ZNF737: variants seen among roughly 807,000 people sequenced by gnomAD.
The protein encoded by ZNF737 is zinc finger protein 102 (Y3).
Under a neutral mutation model 11.7 loss-of-function variants are expected in ZNF737, and 13 were observed. The ratio of observed to expected loss-of-function variants is 1.11; its 90% CI spans 0.73 to 1.77. ZNF737 has a LOEUF of 1.77. ZNF737 is among the 40% of genes most tolerant of loss of function. ZNF737 has a pLI of 0.00. For missense variants in ZNF737, 636 were observed against 638.0 expected, an observed-to-expected ratio of 1.00 and a Z score of 0.03; for synonymous variants, 217 against 216.2, an observed-to-expected ratio of 1.00 and a Z score of -0.03.
At chr19:20,535,407 C>A (rs114551016), downstream of ZNF737, among the ~76,000 whole-genome samples, 895 of 151,864 alleles carry the variant, frequency 5.9e-3, 8 homozygotes, top group African/African-American at 0.02. Context: ...TATATATACA[C>A]AATGAAATGC....
rs113918610 is a variant in ZNF737 at position 20,539,309 on chromosome 19, C to A, written c.*5283G>T. ...CTTCTAAAAAAAAAAAAAAGAAATT[C>A]TTTCTTCAATTACTTGGAAACCCTG... On this transcript the variant is annotated 3_prime_UTR_variant, in exon 4 of 4. Coordinates refer to ENST00000427401, the MANE Select transcript of ZNF737 (RefSeq NM_001159293.2). 0.055 allele frequency: 52,962 copies of A among 970,854 alleles called. 1,633 individuals carry two copies. Among genetic ancestry groups the A allele is most frequent in the African/African-American group, 0.11 (6,318 of 56,866 alleles). The allele number at this position is 970,854 out of a possible 1,614,324, so 60.1% of individuals were successfully genotyped here.
At chr19:20,565,278 G>A (rs1555763513) in intron 1 of ZNF737, among the ~76,000 whole-genome samples, 1 of 152,094 alleles carries the variant, frequency 6.6e-6, no homozygotes, top group African/African-American at 2.4e-5. Context: ...TGAACTCCAC[G>A]GACCAAAGCT....
At chr19:20,546,051 T>C in intron 3 of ZNF737, 75 bp from the exon 4 acceptor site, 3 of 1,454,432 alleles carry the variant, frequency 2.1e-6, no homozygotes, top group Non-Finnish European at 2.7e-6. Flanking sequence ...CTAACCTATA[T>C]AATTATACAA....
chr19:20,551,964 G>A (rs1259313330), intron 3 of ZNF737, among the ~76,000 whole-genome samples: 1 of 140,342 alleles, frequency 7.1e-6, no homozygotes. Flanking sequence ...AAGCAATCTT[G>A]AAAAAAAAAA....
rs142458524 is a variant in ZNF737 at position 20,543,175 on chromosome 19, TC to T, written c.*1416del. The stretch of plus-strand genomic sequence containing the variant: ...CAAAATTATATTTTAGCATAAACTC[TC>T]TGTTGTTTTCTAAGCTGTAGTTTCT... On this transcript the variant is annotated 3_prime_UTR_variant, in exon 4 of 4. Transcript: ENST00000427401. 0.13 allele frequency: 124,457 copies of T among 976,082 alleles called. 8,243 individuals carry two copies. Among genetic ancestry groups the T allele is most frequent in the Non-Finnish European group, 0.13 (109,632 of 821,780 alleles). The allele number at this position is 976,082 out of a possible 1,614,324, so 60.5% of individuals were successfully genotyped here.
chr19:20,544,054 G>A lies in ZNF737; in HGVS notation c.*538C>T. 1 of 819,126 alleles carries A rather than the reference G, an allele frequency of 1.2e-6. No homozygotes were observed. Among genetic ancestry groups the A allele is most frequent in the Non-Finnish European group, 1.5e-6 (1 of 677,798 alleles). The allele number at this position is 819,126 out of a possible 1,614,324, so 50.7% of individuals were successfully genotyped here. On this transcript the variant is annotated 3_prime_UTR_variant, in exon 4 of 4. Coordinates refer to ENST00000427401, the MANE Select transcript of ZNF737 (RefSeq NM_001159293.2). ...GAGGTAGGAGAATGGCTTAAACCCA[G>A]GAGGCAGAGGTTGCAGTGAGCCGAG...
chr19:20,541,950 C>T lies in ZNF737; in HGVS notation c.*2642G>A. On this transcript the variant is annotated 3_prime_UTR_variant, in exon 4 of 4. Transcript: ENST00000427401. ...GCCATATAAGGCATAAATATATACACATATTATATACCCACGAATACAAAT... is the reference window on the plus strand; with the variant it reads ...GCCATATAAGGCATAAATATATACATATATTATATACCCACGAATACAAAT... 3 of 866,950 alleles carry T rather than the reference C, an allele frequency of 3.5e-6. No homozygotes were observed. Among genetic ancestry groups the T allele is most frequent in the South Asian group, 5.3e-5 (1 of 18,756 alleles). The allele number at this position is 866,950 out of a possible 1,614,324, so 53.7% of individuals were successfully genotyped here. A position where few individuals can be genotyped will look rare whatever the true frequency, so the allele number is the denominator to read the frequency against.
chr19:20,535,393 A>G (rs1213466920), downstream of ZNF737, among the ~76,000 whole-genome samples: 1 of 152,194 alleles, frequency 6.6e-6, no homozygotes, highest in African/African-American at 2.4e-5. Flanking sequence ...GAAAGAAAAT[A>G]TGGTATATAT....
Position 20,542,605 on chromosome 19 carries a change from A to G in ZNF737, c.*1987T>C. ...GTAAAGTAATATACTCATTTATTTT[A>G]ATATACTTTTAATTATTTCTTTGTG... On this transcript the variant is annotated 3_prime_UTR_variant, in exon 4 of 4. Transcript: ENST00000427401. 1 of 971,540 alleles carries G rather than the reference A, an allele frequency of 1.0e-6. No homozygotes were observed. The highest frequency in any genetic ancestry group is 1.2e-6 in the Non-Finnish European group (1 of 817,376). The allele number at this position is 971,540 out of a possible 1,614,324, so 60.2% of individuals were successfully genotyped here.
Position 20,544,829 on chromosome 19 carries a change from A to G in ZNF737, c.1374T>C (p.Cys458=). The part of the protein sequence containing the change: ...TGEKPYKCEE[C]GKAFNSSSHL... ...GTGAGGACGAGTTGAAGGCTTTGCC[A>G]CATTCTTCACATTTGTAGGGTTTCT... is the stretch of plus-strand genomic sequence containing the variant. Residue 458 remains cysteine, a synonymous_variant, in exon 4 of 4, where the codon TGT becomes TGC. Transcript: ENST00000427401. The G allele has an allele frequency of 6.2e-7, 1 of 1,613,382 alleles. No individual in the cohort carries two copies. The highest frequency in any genetic ancestry group is 1.7e-5 in the Admixed American group (1 of 59,976).
chr19:20,540,981 A>C lies in ZNF737; in HGVS notation c.*3611T>G. ...TTGAATGTTCATTCAAATAAGTGTTAAAAATGATTTTTTTTTCCTGTTTTA... is the reference window on the plus strand; with the variant it reads ...TTGAATGTTCATTCAAATAAGTGTTCAAAATGATTTTTTTTTCCTGTTTTA... On this transcript the variant is annotated 3_prime_UTR_variant, in exon 4 of 4. Coordinates refer to ENST00000427401, the MANE Select transcript of ZNF737 (RefSeq NM_001159293.2). 1.1e-6 allele frequency: 1 copy of C among 949,090 alleles called. No individual in the cohort carries two copies. The highest frequency in any genetic ancestry group is 1.2e-6 in the Non-Finnish European group (1 of 815,138). 58.8% of individuals were successfully genotyped at this position (949,090 alleles called of 1,614,324 possible). A position where few individuals can be genotyped will look rare whatever the true frequency, so the allele number is the denominator to read the frequency against.
chr19:20,535,523 T>C (rs1396620697), downstream of ZNF737, among the ~76,000 whole-genome samples: 1 of 122,062 alleles, frequency 8.2e-6, no homozygotes, highest in East Asian at 2.9e-4. Flanking sequence ...AAAAACAAAA[T>C]CCTCGTTTTT....
chr19:20,545,969 A>G lies in ZNF737; in HGVS notation c.234T>C (p.Cys78=). Residue 78 remains cysteine (C), a synonymous_variant, in exon 4 of 4, where the codon TGT becomes TGC. Coordinates refer to ENST00000427401, the MANE Select transcript of ZNF737 (RefSeq NM_001159293.2). ...HEMVANPSVT[C]SHFARDLWPE... Reference sequence around the variant, plus strand: ...GCCAAAGATCTCGGGCAAAATGAGAACACGTAACTGAAAGAAACAATAAAA... The same window carrying G: ...GCCAAAGATCTCGGGCAAAATGAGAGCACGTAACTGAAAGAAACAATAAAA... 1.3e-6 allele frequency: 2 copies of G among 1,543,100 alleles called. No individual in the cohort carries two copies. Among genetic ancestry groups the G allele is most frequent in the Non-Finnish European group, 1.7e-6 (2 of 1,151,602 alleles).
chr19:20,547,505 T>G (rs1555757335), intron 3 of ZNF737, among the ~76,000 whole-genome samples: 1 of 151,992 alleles, frequency 6.6e-6, no homozygotes. Flanking sequence ...TATGATCAGA[T>G]GATCTTCCAC....
chr19:20,551,317 T>C (rs1244687592), intron 3 of ZNF737: 1 of 150,782 alleles, frequency 6.6e-6, no homozygotes, highest in Non-Finnish European at 1.5e-5. Flanking sequence ...TAATCCCAGC[T>C]ACCCAGCAGG....
rs1599409676 is a variant in ZNF737 at position 20,545,849 on chromosome 19, T to C, written c.354A>G (p.Glu118=). The part of the protein sequence containing the change: ...HDNLQFKKGC[E]SVDECKVHKR... ...TGTGCACCTTACACTCATCTACACTTTCACAGCCCTTTTTAAACTGTAAAT... is the reference window on the plus strand; with the variant it reads ...TGTGCACCTTACACTCATCTACACTCTCACAGCCCTTTTTAAACTGTAAAT... Residue 118 remains glutamate, a synonymous_variant, in exon 4 of 4, where the codon GAA becomes GAG. Transcript: ENST00000427401. 1.9e-6 allele frequency: 3 copies of C among 1,613,600 alleles called. No individual in the cohort carries two copies. The highest frequency in any genetic ancestry group is 2.5e-6 in the Non-Finnish European group (3 of 1,179,844).
intron 3 of ZNF737, among the ~76,000 whole-genome samples, chr19:20,551,447 A>AGAAAG (rs1489285762): frequency 7.6e-6 from 1 of 131,676 alleles, no homozygotes; most frequent in Non-Finnish European, 1.6e-5. Flanking sequence ...AAAAAAAAAA[A>AGAAAG]AAAGAAAGAA....
rs1238923664 is a variant in ZNF737, at chr19:20,544,225, G to C, written c.*367C>G. The C allele has an allele frequency of 1.9e-6, 2 of 1,049,564 alleles. No individual in the cohort carries two copies. The highest frequency in any genetic ancestry group is 1.7e-4 in the East Asian group (2 of 11,900). The allele number at this position is 1,049,564 out of a possible 1,614,324, so 65.0% of individuals were successfully genotyped here. ...ATGAATTATGTGTAAGAAGGGTTCAGAACTTCCTAAAAGCGTTGTCACATT... is the reference window on the plus strand; with the variant it reads ...ATGAATTATGTGTAAGAAGGGTTCACAACTTCCTAAAAGCGTTGTCACATT... On this transcript the variant is annotated 3_prime_UTR_variant, in exon 4 of 4. Coordinates refer to ENST00000427401, the MANE Select transcript of ZNF737 (RefSeq NM_001159293.2).
chr19:20,537,056 T>A (rs1430945910), downstream of ZNF737, among the ~76,000 whole-genome samples: 3 of 152,014 alleles, frequency 2.0e-5, no homozygotes, highest in Non-Finnish European at 4.4e-5. Context: ...TGATCTGAGA[T>A]CATAACACTG....
Sources: gnomAD v4.1 joint callset for allele counts (sites outside exome capture counted in the v4.1 genomes callset) on GRCh38, gnomAD v4.1.1 for gene constraint, MANE v1.5 for transcripts, NCBI Gene and HGNC (gene_info 2026-07-23, HGNC 2026-07-21) for gene names.